Variants in MTHFSD observed in about 807,000 individuals in gnomAD.
MTHFSD encodes the protein methenyltetrahydrofolate synthase domain-containing protein.
Under a neutral mutation model 31.1 loss-of-function variants are expected in MTHFSD, and 37 were observed. The ratio of observed to expected loss-of-function variants is 1.19; its 90% CI spans 0.91 to 1.56. The LOEUF is 1.56. MTHFSD is among the 40% of genes most tolerant of loss of function. The pLI, the probability that MTHFSD is intolerant of heterozygous loss-of-function variation, is 0.00. For synonymous variants in MTHFSD, 221 were observed against 206.9 expected, an observed-to-expected ratio of 1.07 and a Z score of -0.59; for missense variants, 664 against 510.1, an observed-to-expected ratio of 1.30 and a Z score of -2.91.
At chr16:86,553,242 A>G (rs1012201348) in intron 2 of MTHFSD, 2 of 152,220 alleles carry the variant, frequency 1.3e-5, no homozygotes, top group African/African-American at 4.8e-5. Flanking sequence ...TCAAACAGAA[A>G]ACAGCAACTA....
intron 5 of MTHFSD, among the ~76,000 whole-genome samples, chr16:86,543,437 C>G (rs763287839): frequency 6.6e-6 from 1 of 152,244 alleles, no homozygotes; most frequent in Non-Finnish European, 1.5e-5. Flanking sequence ...ACAGAACATA[C>G]TTCACTCCAA....
intron 6 of MTHFSD, 52 bp from the exon 7 acceptor site, chr16:86,541,874 G>A (rs570222552): frequency 2.2e-5 from 35 of 1,606,526 alleles, no homozygotes; most frequent in African/African-American, 9.4e-5. Context: ...CACTGCAGTC[G>A]TGCACACTGC....
chr16:86,543,389 C>T (rs1197274437), intron 5 of MTHFSD, among the ~76,000 whole-genome samples: 1 of 152,250 alleles, frequency 6.6e-6, no homozygotes, highest in Non-Finnish European at 1.5e-5. Context: ...AGGCATTGGC[C>T]CCCATGGATA....
rs1971604144 is a variant in MTHFSD, at chr16:86,542,057, A to T, written c.555+44T>A. On this transcript the variant is annotated intron_variant, in intron 6 of 7. Coordinates refer to ENST00000360900, the MANE Select transcript of MTHFSD (RefSeq NM_001159377.2). The surrounding 1 kb of genome is among the most constrained non-coding windows in gnomAD (Gnocchi z 4.6). ...CCTTCCCCACCCCCTGCTCCCTCAG[A>T]AGAGAATGGCAGTGGCTCTGCTCAG... The T allele has an allele frequency of 1.3e-6, 2 of 1,559,382 alleles. No individual in the cohort carries two copies. The highest frequency in any genetic ancestry group is 1.4e-5 in the African/African-American group (1 of 74,008).
intron 7 of MTHFSD, 94 bp from the exon 8 acceptor site, chr16:86,532,575 C>A (rs1970117970): frequency 9.7e-7 from 1 of 1,025,806 alleles, no homozygotes; most frequent in South Asian, 2.2e-5. Flanking sequence ...GGCTGTGCTG[C>A]ACACGTGGAC....
chr16:86,532,430 G>A lies in MTHFSD; in HGVS notation c.733C>T (p.Arg245Ter), dbSNP rs1371754074. 1.2e-5 allele frequency: 17 copies of A among 1,473,484 alleles called. No homozygotes were observed. The highest frequency in any genetic ancestry group is 1.8e-4 in the Middle Eastern group (1 of 5,594). 91.3% of individuals were successfully genotyped at this position (1,473,484 alleles called of 1,614,324 possible). Residue 245 changes from arginine (R) to a stop codon, truncating the protein, a stop_gained, in exon 8 of 8, where the codon CGA (arginine) becomes TGA (stop). Transcript: ENST00000360900. LOFTEE classifies it low-confidence loss of function (END_TRUNC). ...ACATCCTTCCCAGCCTGCTGCTCTC[G>A]GGCGCGGAGGCTCCTCAGTATGGGG... is the stretch of plus-strand genomic sequence containing the variant. ...KIPILRSLRA[R>*]EQQAGKDVTL...
intron 3 of MTHFSD, among the ~76,000 whole-genome samples, chr16:86,551,201 T>C (rs1043066649): frequency 1.3e-5 from 2 of 152,218 alleles, no homozygotes; most frequent in East Asian, 3.8e-4. Flanking sequence ...TTATACCAAG[T>C]TTTATGTTTA....
intron 5 of MTHFSD, among the ~76,000 whole-genome samples, chr16:86,545,754 C>CCA (rs2143713117): frequency 6.6e-6 from 1 of 152,310 alleles, no homozygotes; most frequent in African/African-American, 2.4e-5. Context: ...TCTGGCCCAC[C>CCA]CACACACCAT....
intron 2 of MTHFSD, chr16:86,553,760 AG>A (rs1237591164): frequency 6.5e-6 from 1 of 152,718 alleles, no homozygotes; most frequent in African/African-American, 2.4e-5. Flanking sequence ...CGGGACTGGC[AG>A]GCAGCTCCAC....
chr16:86,546,746 T>C, intron 4 of MTHFSD, 97 bp from the exon 5 acceptor site: 1 of 1,082,544 alleles, frequency 9.2e-7, no homozygotes, highest in Non-Finnish European at 1.4e-6. Context: ...AATCAACCTC[T>C]TGGACAAAAC....
rs1266793672 is a variant in MTHFSD, at chr16:86,548,567, GT to G, written c.247del (p.Thr83HisfsTer9). ...VRLLVLQSKK[T>X]LLVPTPRLRT... ...CAGTCGTGGTGTTGGAACCAACAAT[GT>G]TTTTTTGCTCTTTTAAAGAAAAGAC... On this transcript the variant is annotated frameshift_variant, in exon 4 of 8. Coordinates refer to ENST00000360900, the MANE Select transcript of MTHFSD (RefSeq NM_001159377.2). LOFTEE classifies it high-confidence loss of function. The G allele has an allele frequency of 3.1e-6, 5 of 1,608,714 alleles. No individual in the cohort carries two copies. The South Asian group carries it at 3.4e-5, about 11-fold the overall frequency.
In MTHFSD at chr16:86,542,070, T is replaced by G; in HGVS notation, c.555+31A>C. 1 of 1,578,040 alleles carries G rather than the reference T, an allele frequency of 6.3e-7. No homozygotes were observed. The highest frequency in any genetic ancestry group is 8.7e-7 in the Non-Finnish European group (1 of 1,149,488). ...CTGCTCCCTCAGAAGAGAATGGCAGTGGCTCTGCTCAGCCCATTCATAAGG... is the reference window on the plus strand; with the variant it reads ...CTGCTCCCTCAGAAGAGAATGGCAGGGGCTCTGCTCAGCCCATTCATAAGG... On this transcript the variant is annotated intron_variant, in intron 6 of 7. Coordinates refer to ENST00000360900, the MANE Select transcript of MTHFSD (RefSeq NM_001159377.2). This position sits in a 1 kb window ranked among gnomAD's most constrained non-coding sequence, Gnocchi z 4.6.
intron 4 of MTHFSD, 98 bp downstream of exon 4, chr16:86,548,366 T>G (rs928328774): frequency 2.3e-5 from 25 of 1,071,038 alleles, no homozygotes; most frequent in Middle Eastern, 2.0e-4. Flanking sequence ...CTGTTAAAAA[T>G]GAATTCCAAC....
chr16:86,536,876 G>A (rs1456114042), intron 7 of MTHFSD, among the ~76,000 whole-genome samples: 2 of 152,222 alleles, frequency 1.3e-5, no homozygotes, highest in Non-Finnish European at 2.9e-5. Context: ...TCGGAGAAGA[G>A]CAGCCGCGTG....
At chr16:86,534,834 G>C (rs1205940937) in intron 7 of MTHFSD, among the ~76,000 whole-genome samples, 3 of 152,092 alleles carry the variant, frequency 2.0e-5, no homozygotes. Context: ...TGCAGTAAGG[G>C]GTAGGGGTTT....
chr16:86,541,747 T>C lies in MTHFSD; in HGVS notation c.631A>G (p.Ile211Val), dbSNP rs757582121. Residue 211 changes from isoleucine (I) to valine (V), a missense_variant, in exon 7 of 8, where the codon ATC (isoleucine) becomes GTC (valine). By Grantham distance (29) the Ile-to-Val change is conservative. Coordinates refer to ENST00000360900, the MANE Select transcript of MTHFSD (RefSeq NM_001159377.2). ...VDYILTPTRV[I>V]ATGCKRPKPM... Reference sequence around the variant, plus strand: ...TTTGGGCGCTTGCAGCCTGTGGCGATGACTCTGGTTGGAGTGAGGATGTAG... The same window carrying C: ...TTTGGGCGCTTGCAGCCTGTGGCGACGACTCTGGTTGGAGTGAGGATGTAG... 6.8e-6 allele frequency: 11 copies of C among 1,614,166 alleles called. No individual in the cohort carries two copies. Among genetic ancestry groups the C allele is most frequent in the East Asian group, 4.5e-5 (2 of 44,878 alleles).
intron 7 of MTHFSD, among the ~76,000 whole-genome samples, chr16:86,539,989 A>G (rs1971266832): frequency 6.6e-6 from 1 of 152,210 alleles, no homozygotes; most frequent in Non-Finnish European, 1.5e-5. Context: ...GCCAAAGTCA[A>G]TTTGAAACAA....
Position 86,542,386 on chromosome 16 carries a change from G to A in MTHFSD, c.443-173C>T. The A allele has an allele frequency of 6.7e-6, 4 of 597,542 alleles. No homozygotes were observed. Among genetic ancestry groups the A allele is most frequent in the Non-Finnish European group, 1.2e-5 (4 of 337,872 alleles). The allele number at this position is 597,542 out of a possible 1,614,324, so 37.0% of individuals were successfully genotyped here. On this transcript the variant is annotated intron_variant, in intron 5 of 7. Transcript: ENST00000360900. The surrounding 1 kb of genome is among the most constrained non-coding windows in gnomAD (Gnocchi z 4.6). ...CCCACAAGCAGCCCACACTGACGATGGACTTTTGGGCATTCAACAGGAATA... is the reference window on the plus strand; with the variant it reads ...CCCACAAGCAGCCCACACTGACGATAGACTTTTGGGCATTCAACAGGAATA...
At position 86,546,713 on chromosome 16, in the gene MTHFSD, G is replaced by A. The variant is rs1184893989; in HGVS notation, c.352-64C>T. 6 of 1,369,296 alleles carry A rather than the reference G, an allele frequency of 4.4e-6. No homozygotes were observed. The Admixed American group carries it at 1.0e-4, about 23-fold the overall frequency. The allele number at this position is 1,369,296 out of a possible 1,614,324, so 84.8% of individuals were successfully genotyped here. On this transcript the variant is annotated intron_variant, in intron 4 of 7. Coordinates refer to ENST00000360900, the MANE Select transcript of MTHFSD (RefSeq NM_001159377.2). ...GCTGCTTCCTCATTTTATAATTCAT[G>A]ATCAAAGTGCACTCAGGGTTTGAAT...
Sources: gnomAD v4.1 joint callset for allele counts (sites outside exome capture counted in the v4.1 genomes callset) on GRCh38, gnomAD v4.1.1 for gene constraint, Gnocchi (gnomAD v3.1) non-coding constraint, MANE v1.5 for transcripts, NCBI Gene and HGNC (gene_info 2026-07-23, HGNC 2026-07-21) for gene names.